Variants in DSE observed in about 807,000 individuals in gnomAD.
The protein encoded by DSE is dermatan sulfate epimerase, also known as dermatan-sulfate epimerase.
In DSE, 36 loss-of-function variants were observed where a neutral mutation model predicts 84.4. That is an observed-to-expected ratio of 0.43 (90% CI 0.33 to 0.56). The LOEUF (loss-of-function observed/expected upper bound fraction) is 0.56. Among genes scored for constraint, DSE ranks in the 20% least tolerant of loss-of-function variants. The pLI, the probability that DSE is intolerant of heterozygous loss-of-function variation, is 0.06. For missense variants in DSE, 862 were observed against 1,169.6 expected, an observed-to-expected ratio of 0.74 and a Z score of 3.84; for synonymous variants, 410 against 430.1, an observed-to-expected ratio of 0.95 and a Z score of 0.58.
intron 1 of DSE, among the ~76,000 whole-genome samples, chr6:116,386,210 G>A (rs972847299): frequency 6.6e-6 from 1 of 152,106 alleles, no homozygotes; most frequent in African/African-American, 2.4e-5. Flanking sequence ...AGAAAGATGT[G>A]GTGAAAGTAT....
chr6:116,297,034 G>A (rs762504586), intron 2 of DSE, among the ~76,000 whole-genome samples: 2 of 152,170 alleles, frequency 1.3e-5, no homozygotes, highest in Non-Finnish European at 2.9e-5. Context: ...GGTTGTAGCT[G>A]TAGACACTGT....
chr6:116,361,329 G>A (rs1415654750), intron 2 of DSE, among the ~76,000 whole-genome samples: 1 of 152,122 alleles, frequency 6.6e-6, no homozygotes, highest in Non-Finnish European at 1.5e-5. Context: ...AAAGTGCTGG[G>A]ATTACAGGTG....
At position 116,305,126 on chromosome 6, in the gene DSE, CAAACTTTCCTT is replaced by C. The variant is rs1562217555; in HGVS notation, c.-54+46160_-54+46170del. On this transcript the variant is annotated intron_variant, in intron 2 of 3. Coordinates refer to the DSE transcript ENST00000430252. ...TCCACTAAATGGTCCAAATTAGAAT[CAAACTTTCCTT>C]TTTTTTTTTTTCTTTTTGCACATAA... Among the ~76,000 whole-genome samples, 4 of 152,102 alleles carry C rather than the reference CAAACTTTCCTT, an allele frequency of 2.6e-5. No individual in the cohort carries two copies. In the East Asian group the frequency reaches 7.7e-4, roughly 29 times the overall value.
chr6:116,312,773 A>G (rs1052202329), intron 2 of DSE, among the ~76,000 whole-genome samples: 4 of 151,944 alleles, frequency 2.6e-5, no homozygotes, highest in Admixed American at 1.3e-4. Context: ...CGTAAAATAT[A>G]TATATTTTTA....
intron 2 of DSE, among the ~76,000 whole-genome samples, chr6:116,354,317 A>G (rs907287127): frequency 6.6e-6 from 1 of 152,066 alleles, no homozygotes; most frequent in African/African-American, 2.4e-5. Context: ...AGACAACATA[A>G]CCTCATGTGG....
chr6:116,319,443 AT>A (rs1183177928), intron 2 of DSE, among the ~76,000 whole-genome samples: 1 of 152,254 alleles, frequency 6.6e-6, no homozygotes, highest in Non-Finnish European at 1.5e-5. Context: ...ATGAGGAAAT[AT>A]GGTGAATCTA....
chr6:116,369,787 C>A (rs1779395604), upstream of DSE: 9 of 601,964 alleles, frequency 1.5e-5, no homozygotes, highest in South Asian at 1.3e-4. Flanking sequence ...GAAGCATAAA[C>A]TGAGACATCC....
intron 3 of DSE, among the ~76,000 whole-genome samples, chr6:116,429,897 A>G (rs1783703797): frequency 1.0e-5 from 1 of 96,674 alleles, no homozygotes; most frequent in Non-Finnish European, 2.0e-5. Context: ...GCTTGCAGTG[A>G]GCCGAGATTG....
intron 2 of DSE, among the ~76,000 whole-genome samples, chr6:116,413,029 A>AT (rs375953199): frequency 2.6e-5 from 4 of 152,074 alleles, no homozygotes; most frequent in African/African-American, 9.6e-5. Flanking sequence ...GACGGATGTG[A>AT]TTTCATTCTT....
chr6:116,300,986 T>C lies in DSE; in HGVS notation c.-54+42019T>C, dbSNP rs117770568. The stretch of plus-strand genomic sequence containing the variant: ...TGATCAGTATTTATAGACAGCAAAC[T>C]TAGGGGTGAAATCATCTTACTGTGT... On this transcript the variant is annotated intron_variant, in intron 2 of 3. Transcript: ENST00000430252. 2.6e-5 allele frequency among the ~76,000 whole-genome samples: 4 copies of C among 152,224 alleles called. No individual in the cohort carries two copies. In the East Asian group the frequency reaches 7.7e-4, roughly 29 times the overall value.
chr6:116,280,252 G>A, intron 2 of DSE: 1 of 280,166 alleles, frequency 3.6e-6, no homozygotes. Flanking sequence ...ACTTTTTTGA[G>A]GCAGGAAGGT....
chr6:116,336,521 C>T (rs375615707), intron 2 of DSE, among the ~76,000 whole-genome samples: 289 of 152,202 alleles, frequency 1.9e-3, no homozygotes, highest in Middle Eastern at 0.01. Flanking sequence ...TTTGGGAGGC[C>T]GAGGCAGGCG....
At chr6:116,299,531 TATATATATATATATATATATACACATAC>T (rs1228119592) in intron 2 of DSE, among the ~76,000 whole-genome samples, 1,891 of 39,750 alleles carry the variant, frequency 0.048, 167 homozygotes, top group East Asian at 0.2. Flanking sequence ...TATATATATA[TATATATATATATATATATATACACATAC>T]ACACACACAC....
intron 2 of DSE, among the ~76,000 whole-genome samples, chr6:116,299,563 C>G (rs200853738): frequency 1.5e-5 from 1 of 66,028 alleles, no homozygotes; most frequent in East Asian, 1.1e-3. Flanking sequence ...CACATACACA[C>G]ACACACACAC....
intron 2 of DSE, among the ~76,000 whole-genome samples, chr6:116,292,497 A>G (rs1774350167): frequency 6.6e-6 from 1 of 152,166 alleles, no homozygotes; most frequent in Non-Finnish European, 1.5e-5. Context: ...AAATGAACAT[A>G]TAGATAGTGT....
chr6:116,275,179 A>C (rs987596315), intron 2 of DSE, among the ~76,000 whole-genome samples: 1 of 152,236 alleles, frequency 6.6e-6, no homozygotes, highest in African/African-American at 2.4e-5. Flanking sequence ...CTGGTGGCTA[A>C]AAGTTACTGT....
chr6:116,259,604 T>C (rs920632910), intron 2 of DSE, among the ~76,000 whole-genome samples: 1 of 152,210 alleles, frequency 6.6e-6, no homozygotes, highest in South Asian at 2.1e-4. Context: ...CACCCAGATA[T>C]TAAACTTAGT....
chr6:116,416,137 A>G (rs1424871680), intron 2 of DSE, among the ~76,000 whole-genome samples: 2 of 152,196 alleles, frequency 1.3e-5, no homozygotes, highest in East Asian at 1.9e-4. Flanking sequence ...CCATGGTCAC[A>G]TCTCTCTCCG....
At chr6:116,386,639 G>T (rs1780592499) in intron 1 of DSE, among the ~76,000 whole-genome samples, 1 of 152,196 alleles carries the variant, frequency 6.6e-6, no homozygotes, top group Non-Finnish European at 1.5e-5. Context: ...CAGCTACTCA[G>T]ACTCCAGCCT....
Sources: allele counts gnomAD v4.1 joint callset (sites outside exome capture counted in the v4.1 genomes callset), GRCh38; gene constraint gnomAD v4.1.1; transcripts MANE v1.5; gene names NCBI Gene and HGNC (gene_info 2026-07-23, HGNC 2026-07-21).